Variants in MTFR1L observed in about 807,000 individuals in gnomAD.
MTFR1L encodes the protein mitochondrial fission regulator 1 like, also known as mitochondrial fission regulator 1-like.
Under a neutral mutation model 27.9 loss-of-function variants are expected in MTFR1L, and 10 were observed. The ratio of observed to expected loss-of-function variants is 0.36; its 90% CI spans 0.22 to 0.61. The LOEUF is 0.61. MTFR1L is among the 20% of genes least tolerant of loss of function. MTFR1L has a pLI of 0.73. For missense variants in MTFR1L, 315 were observed against 363.7 expected, an observed-to-expected ratio of 0.87 and a Z score of 1.09; for synonymous variants, 151 against 139.4, an observed-to-expected ratio of 1.08 and a Z score of -0.58.
intron 1 of MTFR1L, chr1:25,822,031 A>G (rs1358896404): frequency 6.6e-6 from 1 of 152,254 alleles, no homozygotes; most frequent in Non-Finnish European, 1.5e-5. Context: ...CCATGCAAGG[A>G]CTGCTGTGAA....
intron 6 of MTFR1L, 72 bp downstream of exon 6, chr1:25,829,902 T>C (rs2048215464): frequency 1.6e-6 from 2 of 1,273,050 alleles, no homozygotes; most frequent in Non-Finnish European, 2.1e-6. Context: ...TAATGCAACA[T>C]ACTTACATAG....
At chr1:25,820,683 CGGCGAACCG>C (rs974669722) in intron 1 of MTFR1L, 3 of 427,284 alleles carry the variant, frequency 7.0e-6, no homozygotes, top group African/African-American at 4.2e-5. Flanking sequence ...CCGGTGCTGC[CGGCGAACCG>C]GGGGAAGATC....
intron 1 of MTFR1L, chr1:25,820,239 G>A (rs1235990503): frequency 1.3e-5 from 6 of 455,664 alleles, no homozygotes; most frequent in Non-Finnish European, 2.6e-5. Context: ...AGCAAACAGT[G>A]ACCAAGCCAG....
intron 1 of MTFR1L, chr1:25,820,383 A>G (rs1557439229): frequency 6.6e-6 from 3 of 454,132 alleles, no homozygotes; most frequent in African/African-American, 4.0e-5. Flanking sequence ...GCCGCTGGGC[A>G]GGCGGCGAGC....
At chr1:25,827,964 A>G (rs1176539737) in intron 5 of MTFR1L, among the ~76,000 whole-genome samples, 2 of 152,136 alleles carry the variant, frequency 1.3e-5, no homozygotes, top group African/African-American at 4.8e-5. Context: ...AGCTCAAGCA[A>G]TCCACTTGCC....
chr1:25,826,463 G>A lies in MTFR1L; in HGVS notation c.239+52G>A. 2 of 1,601,482 alleles carry A rather than the reference G, an allele frequency of 1.2e-6. No homozygotes were observed. The highest frequency in any genetic ancestry group is 1.1e-5 in the South Asian group (1 of 90,804). On this transcript the variant is annotated intron_variant, in intron 4 of 6. Transcript: ENST00000374303. This position sits in a 1 kb window ranked among gnomAD's most constrained non-coding sequence, Gnocchi z 4.1. ...AAGGAATGGAGAACTTCCCAGAAGA[G>A]GTGGCAGGCAGCAAGGAGAGAGGAA...
chr1:25,829,931 ATATGT>A, intron 6 of MTFR1L, 101 bp downstream of exon 6: 1 of 1,129,856 alleles, frequency 8.9e-7, no homozygotes, highest in South Asian at 1.6e-5. Flanking sequence ...TAGTAGTACC[ATATGT>A]TATGTCATTC....
At chr1:25,823,776 A>G in intron 3 of MTFR1L, 28 bp downstream of exon 3, 1 of 1,611,274 alleles carries the variant, frequency 6.2e-7, no homozygotes, top group Non-Finnish European at 8.5e-7. Flanking sequence ...GCAGGAGAGT[A>G]GAGGCTCAGA....
chr1:25,832,431 G>C lies in MTFR1L; in HGVS notation c.*405G>C, dbSNP rs2048258026. The stretch of plus-strand genomic sequence containing the variant: ...CTCACTCAGCAGCTTCCTTGCAGCA[G>C]AGCAGGGCTGAGGGGAAGGGGCTAT... On this transcript the variant is annotated 3_prime_UTR_variant, in exon 7 of 7. Coordinates refer to ENST00000374303, the MANE Select transcript of MTFR1L (RefSeq NM_001099625.2). 6.3e-6 allele frequency: 3 copies of C among 473,084 alleles called. No individual in the cohort carries two copies. The highest frequency in any genetic ancestry group is 3.3e-5 in the Admixed American group (1 of 29,968). The allele number at this position is 473,084 out of a possible 1,614,324, so 29.3% of individuals were successfully genotyped here. A position where few individuals can be genotyped will look rare whatever the true frequency, so the allele number is the denominator to read the frequency against.
intron 3 of MTFR1L, among the ~76,000 whole-genome samples, chr1:25,825,257 TTTA>T (rs1047806519): frequency 1.3e-4 from 20 of 152,274 alleles, no homozygotes; most frequent in Admixed American, 5.2e-4. Flanking sequence ...TAAATATGCA[TTTA>T]TTATTATTAT....
At chr1:25,820,783 C>T (rs760853821) in intron 1 of MTFR1L, 9 of 437,488 alleles carry the variant, frequency 2.1e-5, no homozygotes, top group Middle Eastern at 3.3e-4. Context: ...CGCGTTGAAG[C>T]GCTCACTGTG....
intron 3 of MTFR1L, among the ~76,000 whole-genome samples, chr1:25,823,950 G>A (rs1434477279): frequency 6.6e-6 from 1 of 152,180 alleles, no homozygotes; most frequent in Non-Finnish European, 1.5e-5. Context: ...AACCTGACAG[G>A]TCCCCCACAT....
intron 3 of MTFR1L, among the ~76,000 whole-genome samples, chr1:25,825,355 G>A (rs2048154309): frequency 6.6e-6 from 1 of 151,968 alleles, no homozygotes; most frequent in African/African-American, 2.4e-5. Context: ...ATTATGAAAA[G>A]TAAAAGGAAA....
intron 3 of MTFR1L, among the ~76,000 whole-genome samples, chr1:25,824,332 C>T (rs2048140065): frequency 6.6e-6 from 1 of 152,220 alleles, no homozygotes; most frequent in Admixed American, 6.5e-5. Flanking sequence ...GCCCAGGTCT[C>T]TTGAGACCCC....
chr1:25,822,010 G>C (rs1002596297), intron 1 of MTFR1L: 2 of 152,246 alleles, frequency 1.3e-5, no homozygotes, highest in Non-Finnish European at 2.9e-5. Flanking sequence ...CACACTGATT[G>C]CATCTGCTCA....
Position 25,832,223 on chromosome 1 carries a change from T to C in MTFR1L, c.*197T>C, listed in dbSNP as rs2294223. 2.7e-6 allele frequency: 4 copies of C among 1,454,676 alleles called. No homozygotes were observed. The East Asian group carries it at 9.9e-5, about 36-fold the overall frequency. The allele number at this position is 1,454,676 out of a possible 1,614,324, so 90.1% of individuals were successfully genotyped here. ...AAACCCTAGCAGAAGCTAAGGCTTGTGATTTGACCTGAGACATTTGTTTCA... is the reference window on the plus strand; with the variant it reads ...AAACCCTAGCAGAAGCTAAGGCTTGCGATTTGACCTGAGACATTTGTTTCA... On this transcript the variant is annotated 3_prime_UTR_variant, in exon 7 of 7. Transcript: ENST00000374303.
chr1:25,825,124 T>C (rs2048151205), intron 3 of MTFR1L, among the ~76,000 whole-genome samples: 1 of 152,214 alleles, frequency 6.6e-6, no homozygotes, highest in Admixed American at 6.5e-5. Flanking sequence ...CTGTGTGACC[T>C]TGGAGTATCA....
Position 25,826,355 on chromosome 1 carries a change from C to G in MTFR1L, c.183C>G (p.Thr61=). The G allele has an allele frequency of 6.2e-7, 1 of 1,614,198 alleles. No homozygotes were observed. Among genetic ancestry groups the G allele is most frequent in the Non-Finnish European group, 8.5e-7 (1 of 1,180,042 alleles). Residue 61 remains threonine, a synonymous_variant, in exon 4 of 7, where the codon ACC becomes ACG. Transcript: ENST00000374303. The surrounding 1 kb of genome is among the most constrained non-coding windows in gnomAD (Gnocchi z 4.1). ...TGAGAGATGTGCCCCCAGTCCCTAC[C>G]CTGGCTGACATCGCCTGGATTGCTG... is the stretch of plus-strand genomic sequence containing the variant. The part of the protein sequence containing the change: ...LCLRDVPPVP[T]LADIAWIAAD...
intron 1 of MTFR1L, 50 bp from the exon 2 acceptor site, chr1:25,822,968 TC>T: frequency 6.7e-7 from 1 of 1,503,424 alleles, no homozygotes; most frequent in Non-Finnish European, 9.2e-7. Context: ...GACCATTAAA[TC>T]CCCACTGTGG....
Sources: gnomAD v4.1 joint callset for allele counts (sites outside exome capture counted in the v4.1 genomes callset) on GRCh38, gnomAD v4.1.1 for gene constraint, Gnocchi (gnomAD v3.1) non-coding constraint, MANE v1.5 for transcripts, NCBI Gene and HGNC (gene_info 2026-07-23, HGNC 2026-07-21) for gene names.